The following GRM5 variants were observed in gnomAD, a reference collection of about 807,000 sequenced individuals.
GRM5 encodes metabotropic glutamate receptor 5.
A neutral mutation model predicts 83.1 loss-of-function variants in GRM5; 19 were observed. The ratio of observed to expected loss-of-function variants is 0.23; its 90% CI spans 0.16 to 0.34. The LOEUF (loss-of-function observed/expected upper bound fraction) is 0.34. GRM5 is among the 10% of genes least tolerant of loss of function. GRM5 has a pLI of 1.00. For missense variants in GRM5, 1,160 were observed against 1,588.3 expected (o/e 0.73, Z 4.58); for synonymous variants, 675 against 633.6 (o/e 1.07, Z -0.98).
chr11:88,837,680 C>G (rs1401643908), intron 3 of GRM5, among the ~76,000 whole-genome samples: 2 of 152,154 alleles, frequency 1.3e-5, no homozygotes, highest in Non-Finnish European at 2.9e-5. Context: ...CATCCAATAA[C>G]ATCAAAAGCC....
chr11:88,627,202 T>C (rs1938824025), intron 4 of GRM5, among the ~76,000 whole-genome samples: 2 of 152,342 alleles, frequency 1.3e-5, no homozygotes, highest in South Asian at 4.1e-4. Flanking sequence ...AGAGCCAGGA[T>C]ATAAATCTAG....
chr11:88,729,476 C>T (rs1481319575), intron 3 of GRM5, among the ~76,000 whole-genome samples: 2 of 152,122 alleles, frequency 1.3e-5, no homozygotes, highest in Admixed American at 1.3e-4. Flanking sequence ...AGATTTAATG[C>T]TATCCCCATC....
chr11:88,596,790 A>G (rs1937819715), intron 6 of GRM5, among the ~76,000 whole-genome samples: 1 of 152,102 alleles, frequency 6.6e-6, no homozygotes, highest in Admixed American at 6.5e-5. Flanking sequence ...CATAGACTGT[A>G]AGTCTTCTGA....
chr11:88,783,937 T>C (rs893410667), intron 3 of GRM5, among the ~76,000 whole-genome samples: 1 of 152,060 alleles, frequency 6.6e-6, no homozygotes, highest in Non-Finnish European at 1.5e-5. Flanking sequence ...TGAGTCCTTC[T>C]GTACAAAGAA....
rs569826887 is a variant in GRM5, at chr11:88,509,273, G to T, written c.2958C>A (p.Gly986=). The change falls in exon 10 of 10, where the codon GGC becomes GGA. Residue 986 remains glycine (G), a synonymous_variant. Transcript: ENST00000305447. ...ATGGAGCAGA[G]PGGPESPDAG... is the part of the protein sequence containing the mutation. ...CGTCTGGGGACTCGGGCCCGCCTGG[G>T]CCGGCGCCTGCGCAGCCCGCACCGC... is the stretch of plus-strand genomic sequence containing the variant. The T allele has an allele frequency of 1.7e-4, 250 of 1,466,594 alleles. 1 individual carries two copies. The African/African-American group carries it at 3.2e-3, about 19-fold the overall frequency. 90.8% of individuals were successfully genotyped at this position (1,466,594 alleles called of 1,614,324 possible). A position where few individuals can be genotyped will look rare whatever the true frequency, so the allele number is the denominator to read the frequency against.
At chr11:88,846,354 C>T (rs1944303551) in intron 3 of GRM5, among the ~76,000 whole-genome samples, 1 of 152,236 alleles carries the variant, frequency 6.6e-6, no homozygotes, top group African/African-American at 2.4e-5. Context: ...TCTCAGCCTG[C>T]TGTCAGAGCC....
intron 8 of GRM5, among the ~76,000 whole-genome samples, chr11:88,534,715 G>A (rs1322169755): frequency 2.0e-5 from 3 of 152,150 alleles, no homozygotes; most frequent in Admixed American, 1.3e-4. Flanking sequence ...GAAATGTGAA[G>A]TTATGAGATT....
rs1942223678 is a variant in GRM5 at position 88,539,827 on chromosome 11, C to T, written c.2631-14423G>A. ...AAATGATGTAGAGACAAATGATGCTCTTCTCTTTACTTGTCTCAGCCTGTC... is the reference window on the plus strand; with the variant it reads ...AAATGATGTAGAGACAAATGATGCTTTTCTCTTTACTTGTCTCAGCCTGTC... On this transcript the variant is annotated intron_variant, in intron 8 of 9. Transcript: ENST00000305447. Among the ~76,000 whole-genome samples, 5 of 152,204 alleles carry T rather than the reference C, an allele frequency of 3.3e-5. No homozygotes were observed. The South Asian group carries it at 1.0e-3, about 32-fold the overall frequency.
chr11:88,530,305 C>G (rs919076645), intron 8 of GRM5, among the ~76,000 whole-genome samples: 1 of 151,976 alleles, frequency 6.6e-6, no homozygotes, highest in African/African-American at 2.4e-5. Flanking sequence ...CTATGGATTT[C>G]TAGATTTATG....
At chr11:88,957,161 G>T (rs1938643197) in intron 2 of GRM5, among the ~76,000 whole-genome samples, 1 of 152,172 alleles carries the variant, frequency 6.6e-6, no homozygotes, top group Non-Finnish European at 1.5e-5. Context: ...TGAAAGACTT[G>T]AACGATGAGT....
At chr11:88,574,702 G>T (rs1943070129) in intron 7 of GRM5, among the ~76,000 whole-genome samples, 1 of 152,192 alleles carries the variant, frequency 6.6e-6, no homozygotes, top group South Asian at 2.1e-4. Flanking sequence ...AGGAGATGGA[G>T]GTTGCAGTGA....
chr11:88,699,569 C>A (rs1013289099), intron 3 of GRM5, among the ~76,000 whole-genome samples: 1 of 152,164 alleles, frequency 6.6e-6, no homozygotes, highest in Non-Finnish European at 1.5e-5. Flanking sequence ...CCTAGGCACT[C>A]CCATTCCATG....
rs1941246444 is a variant in GRM5 at position 88,508,580 on chromosome 11, T to G, written c.*12A>C. 1 of 1,604,826 alleles carries G rather than the reference T, an allele frequency of 6.2e-7. No individual in the cohort carries two copies. The highest frequency in any genetic ancestry group is 8.5e-7 in the Non-Finnish European group (1 of 1,174,422). ...CTCCGCACGCGCAGGCCGGCGTGCT[T>G]TCCAGGGACATTCACAACGACGAGG... is the stretch of plus-strand genomic sequence containing the variant. On this transcript the variant is annotated 3_prime_UTR_variant, in exon 10 of 10. Transcript: ENST00000305447. This position sits in a 1 kb window ranked among gnomAD's most constrained non-coding sequence, Gnocchi z 4.2.
chr11:88,856,126 A>G (rs1944471885), intron 2 of GRM5, among the ~76,000 whole-genome samples: 1 of 152,092 alleles, frequency 6.6e-6, no homozygotes, highest in South Asian at 2.1e-4. Flanking sequence ...CAAGGAAATT[A>G]AGATTCCCAA....
At chr11:88,991,117 T>C (rs527254276) in intron 2 of GRM5, among the ~76,000 whole-genome samples, 40 of 152,256 alleles carry the variant, frequency 2.6e-4, no homozygotes, top group East Asian at 5.8e-4. Context: ...GACAACCCCA[T>C]TGTCTCAGCC....
intron 3 of GRM5, among the ~76,000 whole-genome samples, chr11:88,720,809 T>TGTGTGC (rs1555001338): frequency 2.2e-5 from 3 of 134,488 alleles, no homozygotes; most frequent in African/African-American, 8.6e-5. Context: ...TGTGTGTGTG[T>TGTGTGC]GTGTGTGTGT....
intron 2 of GRM5, among the ~76,000 whole-genome samples, chr11:88,925,306 C>G (rs1465854889): frequency 7.1e-6 from 1 of 141,142 alleles, no homozygotes; most frequent in Admixed American, 7.5e-5. Flanking sequence ...ATCAGAGATA[C>G]TGACTACTTT....
intron 1 of GRM5, among the ~76,000 whole-genome samples, chr11:89,064,151 C>G (rs146109341): frequency 0.016 from 2,369 of 152,204 alleles, 60 homozygotes; most frequent in African/African-American, 0.053. Context: ...ACTCTAAAAC[C>G]TTCTTCTTGC....
intron 8 of GRM5, among the ~76,000 whole-genome samples, chr11:88,551,856 A>G (rs1236526450): frequency 6.6e-6 from 1 of 152,174 alleles, no homozygotes; most frequent in Non-Finnish European, 1.5e-5. Context: ...TGAAGAATTA[A>G]CACTGGAAGC....
Sources: allele counts gnomAD v4.1 joint callset (sites outside exome capture counted in the v4.1 genomes callset), GRCh38; gene constraint gnomAD v4.1.1; non-coding constraint Gnocchi (gnomAD v3.1); transcripts MANE v1.5; gene names NCBI Gene and HGNC (gene_info 2026-07-23, HGNC 2026-07-21).